CFI: variants seen among roughly 807,000 people sequenced by gnomAD.
The protein encoded by CFI is complement factor I.
In CFI, 66 loss-of-function variants were observed where a neutral mutation model predicts 78.8. The observed-to-expected ratio is 0.84, with a 90% CI of 0.69 to 1.03. The LOEUF (loss-of-function observed/expected upper bound fraction) is 1.03. Ranked by LOEUF, CFI falls within the 50% of genes least tolerant of loss-of-function variation. CFI has a pLI of 0.00. For missense variants in CFI, 706 were observed against 704.5 expected (o/e 1.00, Z -0.02); for synonymous variants, 250 against 232.6 (o/e 1.07, Z -0.68).
intron 1 of CFI, among the ~76,000 whole-genome samples, chr4:109,789,849 C>A (rs1428271908): frequency 1.3e-5 from 2 of 151,976 alleles, no homozygotes; most frequent in Non-Finnish European, 2.9e-5. Context: ...AGGAAGTGTT[C>A]CCTCCTCTTT....
intron 6 of CFI, among the ~76,000 whole-genome samples, chr4:109,758,767 G>A (rs535283323): frequency 6.6e-6 from 1 of 152,298 alleles, no homozygotes; most frequent in African/African-American, 2.4e-5. Context: ...GACATTATGT[G>A]TAACAGGAAA....
intron 1 of CFI, among the ~76,000 whole-genome samples, chr4:109,773,986 T>A (rs1014121402): frequency 6.6e-6 from 1 of 152,240 alleles, no homozygotes; most frequent in African/African-American, 2.4e-5. Context: ...CTTATTCACA[T>A]CTTGGGATAT....
chr4:109,783,811 T>TAATATATATATATATATATATATA lies in CFI; in HGVS notation c.58-16988_58-16987insTATATATATATATATATATATATT, dbSNP rs750346105. Reference sequence around the variant, plus strand: ...ATTCAATGAGTGGATAAAGAAACTGTGATATATATATATATATATATATGA... The same window carrying TAATATATATATATATATATATATA: ...ATTCAATGAGTGGATAAAGAAACTGTAATATATATATATATATATATATAGATATATATATATATATATATATGA... On this transcript the variant is annotated intron_variant, in intron 1 of 12. Transcript: ENST00000394634. 1.1e-3 allele frequency among the ~76,000 whole-genome samples: 120 copies of TAATATATATATATATATATATATA among 105,798 alleles called. 13 individuals are homozygous for TAATATATATATATATATATATATA. Among genetic ancestry groups the TAATATATATATATATATATATATA allele is most frequent in the African/African-American group, 4.3e-3 (113 of 26,526 alleles). The allele number at this position is 105,798 out of a possible 152,430, so 69.4% of individuals were successfully genotyped here.
chr4:109,754,431 C>G (rs1179112848), intron 7 of CFI, among the ~76,000 whole-genome samples: 1 of 125,232 alleles, frequency 8.0e-6, no homozygotes, highest in African/African-American at 2.9e-5. Context: ...AAAAAAGAAT[C>G]TTCTTTTTTT....
chr4:109,773,043 T>C (rs938221184), intron 1 of CFI, among the ~76,000 whole-genome samples: 1 of 152,192 alleles, frequency 6.6e-6, no homozygotes, highest in Admixed American at 6.5e-5. Context: ...AAATAATTTG[T>C]TGGGTTCAGA....
intron 8 of CFI, 72 bp from the exon 9 acceptor site, chr4:109,749,674 T>G (rs1449787983): frequency 5.3e-6 from 5 of 939,026 alleles, no homozygotes; most frequent in Non-Finnish European, 8.7e-6. Flanking sequence ...TTCTTGATTA[T>G]CTATGCCACA....
At chr4:109,754,071 C>T (rs1440376792) in intron 7 of CFI, among the ~76,000 whole-genome samples, 2 of 151,338 alleles carry the variant, frequency 1.3e-5, no homozygotes, top group Non-Finnish European at 2.9e-5. Context: ...GCAACATCCG[C>T]CTCCCAGGTT....
chr4:109,771,303 T>C (rs1728554214), intron 1 of CFI, among the ~76,000 whole-genome samples: 1 of 151,966 alleles, frequency 6.6e-6, no homozygotes, highest in East Asian at 1.9e-4. Context: ...ATGCCTATCA[T>C]CCCAGCACTT....
At position 109,769,818 on chromosome 4, in the gene CFI, C is replaced by T. The variant is rs1013012723; in HGVS notation, c.58-2994G>A. ...CACCTGTCTGTTGCCTGCCCTGCTG[C>T]CTACCATTGAAACAGGGCTTGCTCC... is the stretch of plus-strand genomic sequence containing the variant. On this transcript the variant is annotated intron_variant, in intron 1 of 12. Transcript: ENST00000394634. 2.6e-5 allele frequency among the ~76,000 whole-genome samples: 4 copies of T among 152,160 alleles called. No homozygotes were observed. In the East Asian group the frequency reaches 7.7e-4, roughly 29 times the overall value.
intron 1 of CFI, 33 bp from the exon 2 acceptor site, chr4:109,766,857 A>G (rs1446902144): frequency 1.2e-6 from 2 of 1,611,018 alleles, no homozygotes; most frequent in South Asian, 2.2e-5. Flanking sequence ...TAACTTAGCA[A>G]CAAATTAAAG....
intron 1 of CFI, among the ~76,000 whole-genome samples, chr4:109,768,349 A>G (rs868199321): frequency 8.6e-5 from 13 of 150,576 alleles, no homozygotes; most frequent in Non-Finnish European, 1.2e-4. Context: ...AAAAAAAAAA[A>G]AAAAGAAAAA....
At chr4:109,782,621 A>G (rs763599345) in intron 1 of CFI, among the ~76,000 whole-genome samples, 1 of 152,060 alleles carries the variant, frequency 6.6e-6, no homozygotes, top group East Asian at 1.9e-4. Context: ...TACAAATTCA[A>G]TGCAATCCAA....
intron 2 of CFI, 129 bp from the exon 3 acceptor site, chr4:109,764,819 T>A: frequency 1.2e-6 from 1 of 836,872 alleles, no homozygotes; most frequent in Non-Finnish European, 1.9e-6. Context: ...TTTTAACAAG[T>A]AATAGTAAGC....
At chr4:109,742,374 G>A (rs1723906142) in intron 12 of CFI, 117 bp downstream of exon 12, 3 of 737,796 alleles carry the variant, frequency 4.1e-6, no homozygotes, top group Non-Finnish European at 4.9e-6. Flanking sequence ...GCTACAGCCA[G>A]AAGGCCAAAT....
intron 11 of CFI, among the ~76,000 whole-genome samples, chr4:109,745,093 A>G (rs111246132): frequency 1.1e-4 from 16 of 152,350 alleles, no homozygotes; most frequent in African/African-American, 3.6e-4. Context: ...GACCAATGCA[A>G]TGAAGGTACT....
At chr4:109,733,551 G>A in the CFI span, among the ~76,000 whole-genome samples, 2 of 152,150 alleles carry the variant, frequency 1.3e-5, no homozygotes, top group Non-Finnish European at 1.5e-5. Flanking sequence ...GTATGGCTTG[G>A]TCCAGGAAAG....
intron 1 of CFI, among the ~76,000 whole-genome samples, chr4:109,771,067 G>A (rs1728522366): frequency 6.6e-6 from 1 of 152,024 alleles, no homozygotes; most frequent in Admixed American, 6.6e-5. Flanking sequence ...TTTTAAGTAA[G>A]ATCTGATGTC....
At chr4:109,732,036 C>A in the CFI span, among the ~76,000 whole-genome samples, 3 of 152,004 alleles carry the variant, frequency 2.0e-5, no homozygotes, top group Admixed American at 2.0e-4. Flanking sequence ...TCTTACAACT[C>A]CCTAGTCCAG....
intron 11 of CFI, 68 bp from the exon 12 acceptor site, chr4:109,742,663 C>CT: frequency 1.0e-6 from 1 of 990,988 alleles, no homozygotes. Context: ...ACTCTCATAA[C>CT]TTAAACCATT....
Sources: allele counts gnomAD v4.1 joint callset (sites outside exome capture counted in the v4.1 genomes callset), GRCh38; gene constraint gnomAD v4.1.1; transcripts MANE v1.5; gene names NCBI Gene and HGNC (gene_info 2026-07-23, HGNC 2026-07-21).